The following TEAD1 variants were observed in gnomAD, a reference collection of about 807,000 sequenced individuals.
The protein encoded by TEAD1 is transcriptional enhancer factor TEF-1.
In TEAD1, 9 loss-of-function variants were observed where a neutral mutation model predicts 54.9. The ratio of observed to expected loss-of-function variants is 0.16; its 90% CI spans 0.10 to 0.29. The LOEUF is 0.29. Ranked by LOEUF, TEAD1 falls within the 10% of genes least tolerant of loss-of-function variation. The probability of loss-of-function intolerance (pLI) is 1.00; values close to 1 mark genes in which losing one functional copy is unlikely to be tolerated. For missense variants in TEAD1, 387 were observed against 535.9 expected, an observed-to-expected ratio of 0.72 and a Z score of 2.74; for synonymous variants, 200 against 187.8, an observed-to-expected ratio of 1.07 and a Z score of -0.53.
intron 9 of TEAD1, among the ~76,000 whole-genome samples, chr11:12,884,925 A>C (rs1324671279): frequency 6.6e-6 from 1 of 152,196 alleles, no homozygotes; most frequent in Non-Finnish European, 1.5e-5. Context: ...CTTTGGTTGA[A>C]GGCTGGGCTT....
At chr11:12,842,568 C>G (rs1947062599) in intron 3 of TEAD1, among the ~76,000 whole-genome samples, 1 of 152,190 alleles carries the variant, frequency 6.6e-6, no homozygotes, top group Non-Finnish European at 1.5e-5. Context: ...TCTGTCGTTT[C>G]TCAAGCATTC....
chr11:12,776,002 G>T (rs1247666528), intron 3 of TEAD1, among the ~76,000 whole-genome samples: 6 of 152,146 alleles, frequency 3.9e-5, no homozygotes, highest in African/African-American at 1.4e-4. Flanking sequence ...GTTACGGCAG[G>T]GTCACAGTGG....
intron 3 of TEAD1, among the ~76,000 whole-genome samples, chr11:12,817,674 G>A (rs928633169): frequency 2.0e-5 from 3 of 152,106 alleles, no homozygotes; most frequent in South Asian, 2.1e-4. Flanking sequence ...CAATGTTAAC[G>A]TGTTAATATT....
At chr11:12,833,944 C>T (rs1003613013) in intron 3 of TEAD1, among the ~76,000 whole-genome samples, 1 of 152,126 alleles carries the variant, frequency 6.6e-6, no homozygotes, top group Non-Finnish European at 1.5e-5. Flanking sequence ...TTGCCTTGGG[C>T]GTGGGCTGTG....
chr11:12,795,490 A>G (rs1345621606), intron 3 of TEAD1, among the ~76,000 whole-genome samples: 1 of 152,202 alleles, frequency 6.6e-6, no homozygotes, highest in East Asian at 1.9e-4. Flanking sequence ...TAATTTGGGT[A>G]TGGTCACAAT....
intron 3 of TEAD1, among the ~76,000 whole-genome samples, chr11:12,854,183 G>A (rs1947327226): frequency 6.6e-6 from 1 of 152,176 alleles, no homozygotes. Flanking sequence ...TGGATATGCT[G>A]TGGGACTGGT....
At chr11:12,901,820 T>C (rs1177879919) in intron 9 of TEAD1, 120 bp from the exon 10 acceptor site, 1 of 1,131,860 alleles carries the variant, frequency 8.8e-7, no homozygotes, top group Non-Finnish European at 1.3e-6. Context: ...GCATTGATCC[T>C]GGACTGGAAG....
In TEAD1 at chr11:12,786,547, C is replaced by T. The variant is rs373194718; in HGVS notation, c.202+22113C>T. ...TTTTTAGTATGAGTATATCCCATGC[C>T]GTGGTTATATTTTATATAGCAACTC... is the stretch of plus-strand genomic sequence containing the variant. On this transcript the variant is annotated intron_variant, in intron 3 of 12. Transcript: ENST00000527636. Among the ~76,000 whole-genome samples, 194 of 152,242 alleles carry T rather than the reference C, an allele frequency of 1.3e-3. 1 individual carries two copies. The highest frequency in any genetic ancestry group is 4.5e-3 in the African/African-American group (186 of 41,540).
At chr11:12,782,672 C>T (rs1385929469) in intron 3 of TEAD1, among the ~76,000 whole-genome samples, 2 of 152,210 alleles carry the variant, frequency 1.3e-5, no homozygotes, top group African/African-American at 4.8e-5. Context: ...ATATGCTCAG[C>T]ATCATGCTTG....
At chr11:12,773,728 T>C (rs1945359812) in intron 3 of TEAD1, among the ~76,000 whole-genome samples, 1 of 152,242 alleles carries the variant, frequency 6.6e-6, no homozygotes, top group Non-Finnish European at 1.5e-5. Flanking sequence ...TTTCATCTTT[T>C]CTCATGGGCA....
chr11:12,738,330 A>G (rs566185979), intron 2 of TEAD1, among the ~76,000 whole-genome samples: 5 of 152,332 alleles, frequency 3.3e-5, no homozygotes, highest in Admixed American at 2.6e-4. Flanking sequence ...AAAATTTAGC[A>G]TCAATAAATA....
chr11:12,708,112 A>G (rs745970880), intron 2 of TEAD1, among the ~76,000 whole-genome samples: 12 of 148,150 alleles, frequency 8.1e-5, no homozygotes, highest in South Asian at 2.1e-4. Flanking sequence ...ATAAATCTCA[A>G]TTCCAGCAGC....
chr11:12,781,795 G>A (rs1945551680), intron 3 of TEAD1, among the ~76,000 whole-genome samples: 1 of 151,584 alleles, frequency 6.6e-6, no homozygotes, highest in African/African-American at 2.4e-5. Context: ...AGTTATTATA[G>A]GACCCAAAAG....
intron 12 of TEAD1, among the ~76,000 whole-genome samples, chr11:12,935,780 T>C (rs984453833): frequency 6.6e-6 from 1 of 152,166 alleles, no homozygotes; most frequent in Non-Finnish European, 1.5e-5. Flanking sequence ...ATTAAATGAC[T>C]TGTGTGCCAT....
chr11:12,824,571 G>A (rs192930938), intron 3 of TEAD1, among the ~76,000 whole-genome samples: 65 of 152,296 alleles, frequency 4.3e-4, no homozygotes, highest in African/African-American at 1.5e-3. Flanking sequence ...AAAGAAGTCC[G>A]GCTGCTTTGT....
intron 3 of TEAD1, among the ~76,000 whole-genome samples, chr11:12,841,413 G>C (rs1947037982): frequency 6.6e-6 from 1 of 152,362 alleles, no homozygotes; most frequent in East Asian, 1.9e-4. Flanking sequence ...GTTAGGAAGT[G>C]TGTTCGCTGC....
intron 2 of TEAD1, among the ~76,000 whole-genome samples, chr11:12,676,355 A>G (rs1013657817): frequency 6.6e-6 from 1 of 152,166 alleles, no homozygotes; most frequent in Non-Finnish European, 1.5e-5. Context: ...GATGTGATCC[A>G]CTGTGTAGTC....
In TEAD1 at chr11:12,883,020, C is replaced by T. The variant is rs376731523; in HGVS notation, c.594C>T (p.Ala198=). 1.5e-5 allele frequency: 24 copies of T among 1,614,022 alleles called. No homozygotes were observed. Among genetic ancestry groups the T allele is most frequent in the Non-Finnish European group, 2.0e-5 (24 of 1,180,032 alleles). Residue 198 remains alanine, a synonymous_variant, in exon 9 of 13, where the codon GCC becomes GCT. Coordinates refer to ENST00000527636, the MANE Select transcript of TEAD1 (RefSeq NM_021961.6). ...TTTCAGGGTTTGAGCCTGCATCGGC[C>T]CCAGCTCCCTCAGTCCCTGCCTGGC...
intron 3 of TEAD1, among the ~76,000 whole-genome samples, chr11:12,789,139 C>T (rs1945744731): frequency 6.6e-6 from 1 of 152,164 alleles, no homozygotes; most frequent in South Asian, 2.1e-4. Context: ...TGTAAAAGTA[C>T]ATGCACTTGA....
Sources: allele counts gnomAD v4.1 joint callset (sites outside exome capture counted in the v4.1 genomes callset), GRCh38; gene constraint gnomAD v4.1.1; transcripts MANE v1.5; gene names NCBI Gene and HGNC (gene_info 2026-07-23, HGNC 2026-07-21).